Variants in TENT2 observed in about 807,000 individuals in gnomAD.
TENT2 encodes poly(A) RNA polymerase GLD2.
Under a neutral mutation model 72.2 loss-of-function variants are expected in TENT2, and 44 were observed. The observed-to-expected ratio is 0.61, with a 90% CI of 0.48 to 0.78. The LOEUF is 0.78. Among genes scored for constraint, TENT2 ranks in the 30% least tolerant of loss-of-function variants. TENT2 has a pLI of 0.00. For missense variants in TENT2, 541 were observed against 569.6 expected (o/e 0.95, Z 0.51); for synonymous variants, 212 against 192.5 (o/e 1.10, Z -0.84).
At chr5:79,628,763 A>G (rs958343580) in intron 4 of TENT2, among the ~76,000 whole-genome samples, 2 of 152,226 alleles carry the variant, frequency 1.3e-5, no homozygotes, top group East Asian at 1.9e-4. Context: ...ATGTTCTGCA[A>G]ATTGCACACT....
chr5:79,657,645 G>GT (rs1798870597), intron 11 of TENT2, among the ~76,000 whole-genome samples: 2 of 152,118 alleles, frequency 1.3e-5, no homozygotes, highest in East Asian at 3.9e-4. Flanking sequence ...GAATCCTTGT[G>GT]TTTCTTTTTC....
chr5:79,633,221 G>A (rs775128765), intron 4 of TENT2, among the ~76,000 whole-genome samples: 12 of 152,068 alleles, frequency 7.9e-5, no homozygotes, highest in South Asian at 2.1e-4. Context: ...ATAGCTACAC[G>A]TAACAAAGAT....
intron 1 of TENT2, among the ~76,000 whole-genome samples, chr5:79,616,189 ATTTTTTTTTTTTT>A (rs1229523040): frequency 3.4e-5 from 3 of 88,132 alleles, no homozygotes; most frequent in South Asian, 3.6e-4. Flanking sequence ...ACCCGGCCTA[ATTTTTTTTTTTTT>A]TTTTTTTTTT....
At chr5:79,616,323 C>T (rs1395981261) in intron 1 of TENT2, among the ~76,000 whole-genome samples, 1 of 151,728 alleles carries the variant, frequency 6.6e-6, no homozygotes. Context: ...CCCAGCCTCC[C>T]AAGTAGCTGG....
At chr5:79,676,336 C>T (rs1231466508) in intron 12 of TENT2, among the ~76,000 whole-genome samples, 1 of 151,944 alleles carries the variant, frequency 6.6e-6, no homozygotes, top group Non-Finnish European at 1.5e-5. Flanking sequence ...CAGTGGCTCA[C>T]GCACCTTGGG....
chr5:79,637,962 T>A (rs980464192), intron 4 of TENT2, among the ~76,000 whole-genome samples: 1 of 152,028 alleles, frequency 6.6e-6, no homozygotes, highest in Non-Finnish European at 1.5e-5. Context: ...TGTTCCCGGC[T>A]AATTTTTTTG....
At chr5:79,629,228 T>C (rs1773022349) in intron 4 of TENT2, among the ~76,000 whole-genome samples, 1 of 152,236 alleles carries the variant, frequency 6.6e-6, no homozygotes, top group African/African-American at 2.4e-5. Context: ...ACCCAACTTC[T>C]ATGTTATATT....
rs1276802984 is a variant in TENT2, at chr5:79,672,448, C to T, written c.1208+3420C>T. Among the ~76,000 whole-genome samples, 11 of 152,150 alleles carry T rather than the reference C, an allele frequency of 7.2e-5. No homozygotes were observed. In the East Asian group the frequency reaches 1.2e-3, roughly 16 times the overall value. On this transcript the variant is annotated intron_variant, in intron 12 of 14. Transcript: ENST00000453514. ...TGTACTCATTAACAATCCCCACTTCCGCCTCTCCCTGCCACTGCCCTTCCC... is the reference window on the plus strand; with the variant it reads ...TGTACTCATTAACAATCCCCACTTCTGCCTCTCCCTGCCACTGCCCTTCCC...
chr5:79,632,867 G>GT lies in TENT2; in HGVS notation c.466-7977dup, dbSNP rs773857494. Among the ~76,000 whole-genome samples the GT allele has an allele frequency of 5.3e-5, 8 of 152,050 alleles. No homozygotes were observed. The East Asian group carries it at 1.3e-3, about 26-fold the overall frequency. On this transcript the variant is annotated intron_variant, in intron 4 of 14. Coordinates refer to ENST00000453514, the MANE Select transcript of TENT2 (RefSeq NM_001114394.3). ...GACAAAAGAGATCAAATAAAAACTT[G>GT]TTTTTTTCCTATCTTTCTTTTTTGG...
intron 1 of TENT2, among the ~76,000 whole-genome samples, chr5:79,617,964 TG>T (rs780748033): frequency 5.5e-4 from 84 of 152,338 alleles, no homozygotes; most frequent in Non-Finnish European, 9.1e-4. Context: ...CCTTTCAGTC[TG>T]GGGATTGGTG....
At chr5:79,632,818 A>G (rs1481223441) in intron 4 of TENT2, among the ~76,000 whole-genome samples, 2 of 152,224 alleles carry the variant, frequency 1.3e-5, no homozygotes, top group Non-Finnish European at 2.9e-5. Context: ...ATAAATTTAC[A>G]TAGAACACCT....
chr5:79,676,017 ATT>A (rs1490243969), intron 12 of TENT2, among the ~76,000 whole-genome samples: 1 of 152,022 alleles, frequency 6.6e-6, no homozygotes, highest in Non-Finnish European at 1.5e-5. Context: ...TTAGAGTAAA[ATT>A]TTTTCCCTAC....
intron 4 of TENT2, among the ~76,000 whole-genome samples, chr5:79,625,485 A>G (rs935087665): frequency 1.3e-5 from 2 of 152,190 alleles, no homozygotes; most frequent in East Asian, 1.9e-4. Flanking sequence ...TAAAGGTCAC[A>G]GAGATTAATG....
chr5:79,638,234 T>C (rs965511214), intron 4 of TENT2, among the ~76,000 whole-genome samples: 1 of 152,186 alleles, frequency 6.6e-6, no homozygotes, highest in African/African-American at 2.4e-5. Flanking sequence ...TTTGCTGTGG[T>C]AGAGTTGTCC....
chr5:79,639,227 T>C (rs969141369), intron 4 of TENT2, among the ~76,000 whole-genome samples: 2 of 152,124 alleles, frequency 1.3e-5, no homozygotes, highest in Non-Finnish European at 2.9e-5. Context: ...TCAATTTTCT[T>C]AGTAAACTTT....
chr5:79,616,141 C>T (rs1759717513), intron 1 of TENT2, among the ~76,000 whole-genome samples: 1 of 151,584 alleles, frequency 6.6e-6, no homozygotes, highest in African/African-American at 2.4e-5. Context: ...CCCACCTCGG[C>T]CTCCCAGAGT....
chr5:79,651,805 A>G (rs549847359), intron 10 of TENT2, among the ~76,000 whole-genome samples: 4 of 151,938 alleles, frequency 2.6e-5, no homozygotes, highest in Non-Finnish European at 5.9e-5. Flanking sequence ...TGTTTATGTT[A>G]ATGTTCTTAA....
At chr5:79,663,693 C>T (rs1242432470) in intron 11 of TENT2, among the ~76,000 whole-genome samples, 2 of 152,128 alleles carry the variant, frequency 1.3e-5, no homozygotes, top group Non-Finnish European at 2.9e-5. Flanking sequence ...TTACTGATCA[C>T]AGATCACCAT....
chr5:79,625,982 C>T (rs1201319327), intron 4 of TENT2, among the ~76,000 whole-genome samples: 4 of 151,688 alleles, frequency 2.6e-5, no homozygotes, highest in Admixed American at 6.6e-5. Flanking sequence ...GTGTGTGCCA[C>T]CACGTCTGGC....
Sources: gnomAD v4.1 joint callset for allele counts (sites outside exome capture counted in the v4.1 genomes callset) on GRCh38, gnomAD v4.1.1 for gene constraint, MANE v1.5 for transcripts, NCBI Gene and HGNC (gene_info 2026-07-23, HGNC 2026-07-21) for gene names.